Variants in MAP4K5 observed in about 807,000 individuals in gnomAD.
MAP4K5 encodes MAPK/ERK kinase kinase kinase 5.
Under a neutral mutation model 135.6 loss-of-function variants are expected in MAP4K5, and 82 were observed. The observed-to-expected ratio is 0.60, with a 90% CI of 0.51 to 0.73. The LOEUF (loss-of-function observed/expected upper bound fraction) is 0.73. MAP4K5 is among the 30% of genes least tolerant of loss of function. The probability of loss-of-function intolerance (pLI) is 0.00; values close to 1 mark genes in which losing one functional copy is unlikely to be tolerated. For missense variants in MAP4K5, 907 were observed against 1,010.9 expected (o/e 0.90, Z 1.39); for synonymous variants, 347 against 335.0 (o/e 1.04, Z -0.39).
At chr14:50,477,549 G>T (rs559219144) in intron 6 of MAP4K5, among the ~76,000 whole-genome samples, 4 of 152,084 alleles carry the variant, frequency 2.6e-5, no homozygotes, top group Admixed American at 2.6e-4. Context: ...ACCCTGTTTG[G>T]GTGAGCCTGG....
At chr14:50,517,116 C>T (rs1279675311) in intron 2 of MAP4K5, among the ~76,000 whole-genome samples, 1 of 150,766 alleles carries the variant, frequency 6.6e-6, no homozygotes, top group Non-Finnish European at 1.5e-5. Context: ...ACAAAGGCAA[C>T]ATTTCTTTTT....
At chr14:50,544,291 T>A (rs1057195385) in intron 1 of MAP4K5, among the ~76,000 whole-genome samples, 1 of 152,214 alleles carries the variant, frequency 6.6e-6, no homozygotes, top group African/African-American at 2.4e-5. Context: ...TTGGGCCCAA[T>A]AACTACCCTC....
chr14:50,454,271 C>T (rs1450327179), intron 14 of MAP4K5, among the ~76,000 whole-genome samples: 1 of 152,070 alleles, frequency 6.6e-6, no homozygotes, highest in Non-Finnish European at 1.5e-5. Context: ...AGAGGGCAGG[C>T]GAGTATAGAA....
At chr14:50,455,066 C>T (rs1172690641) in intron 14 of MAP4K5, among the ~76,000 whole-genome samples, 1 of 151,808 alleles carries the variant, frequency 6.6e-6, no homozygotes, top group Non-Finnish European at 1.5e-5. Flanking sequence ...AATATCTATG[C>T]CAATTCGGTA....
intron 14 of MAP4K5, among the ~76,000 whole-genome samples, chr14:50,454,898 A>ATG (rs2036567083): frequency 6.6e-6 from 1 of 151,986 alleles, no homozygotes; most frequent in Non-Finnish European, 1.5e-5. Flanking sequence ...CAAGGTACAT[A>ATG]TGTGTGTGTT....
chr14:50,516,006 G>A (rs376510508), intron 2 of MAP4K5, among the ~76,000 whole-genome samples: 15 of 152,146 alleles, frequency 9.9e-5, no homozygotes, highest in East Asian at 7.7e-4. Flanking sequence ...CAAATTTACC[G>A]TATCCACCAC....
chr14:50,535,007 C>G (rs1214672867), upstream of MAP4K5, among the ~76,000 whole-genome samples: 2 of 152,170 alleles, frequency 1.3e-5, no homozygotes, highest in African/African-American at 4.8e-5. Flanking sequence ...ACAAACCACC[C>G]AGTTTCATAT....
chr14:50,471,142 T>C (rs1051798813), intron 9 of MAP4K5, among the ~76,000 whole-genome samples: 2 of 152,124 alleles, frequency 1.3e-5, no homozygotes, highest in African/African-American at 2.4e-5. Context: ...AAGCCCAGCA[T>C]CCATTAGCTA....
rs1191300337 is a variant in MAP4K5 at position 50,553,441 on chromosome 14, T to A, written c.-180+7599A>T. Among the ~76,000 whole-genome samples the A allele has an allele frequency of 2.7e-5, 4 of 150,716 alleles. No individual in the cohort carries two copies. In the East Asian group the frequency reaches 7.7e-4, roughly 29 times the overall value. On this transcript the variant is annotated intron_variant, in intron 1 of 8. Coordinates refer to the MAP4K5 transcript ENST00000555216. ...TGCAGGAATGGCCATAATTTAAAAA[T>A]TAAAAAAAAATAGATGTTGGCATGG...
chr14:50,480,403 C>T (rs1411666332), intron 6 of MAP4K5, among the ~76,000 whole-genome samples: 4 of 143,392 alleles, frequency 2.8e-5, no homozygotes, highest in Non-Finnish European at 4.5e-5. Flanking sequence ...CTCATTCTTT[C>T]TTTTTTTTTT....
chr14:50,484,215 A>G (rs2037315409), intron 5 of MAP4K5, among the ~76,000 whole-genome samples: 1 of 152,260 alleles, frequency 6.6e-6, no homozygotes, highest in African/African-American at 2.4e-5. Flanking sequence ...GAAATAGCCT[A>G]AATCATAGTA....
chr14:50,541,562 T>C (rs1674028115), intron 2 of MAP4K5, among the ~76,000 whole-genome samples: 1 of 152,170 alleles, frequency 6.6e-6, no homozygotes, highest in East Asian at 1.9e-4. Flanking sequence ...CTTGTTCATA[T>C]CACTTGGAAC....
chr14:50,502,649 C>G (rs1672180164), intron 3 of MAP4K5, among the ~76,000 whole-genome samples: 1 of 151,696 alleles, frequency 6.6e-6, no homozygotes, highest in African/African-American at 2.4e-5. Context: ...ACAGGAAATA[C>G]CTGAAAAATA....
chr14:50,547,552 A>C (rs1414587959), intron 1 of MAP4K5, among the ~76,000 whole-genome samples: 2 of 152,218 alleles, frequency 1.3e-5, no homozygotes, highest in Admixed American at 1.3e-4. Flanking sequence ...ACTGCCTACC[A>C]GGGGAAGATT....
rs79121924 is a variant in MAP4K5, at chr14:50,497,490, C to T, written c.166+7310G>A. On this transcript the variant is annotated intron_variant, in intron 3 of 32. Transcript: ENST00000682126. ...TAGAAAGTCTGAAAAGAACATACCA[C>T]GTAACCTGAATAGATGACACTTGTC... Among the ~76,000 whole-genome samples the T allele has an allele frequency of 2.0e-4, 31 of 152,280 alleles. No homozygotes were observed. The East Asian group carries it at 4.2e-3, about 21-fold the overall frequency.
rs192433499 is a variant in MAP4K5 at position 50,440,704 on chromosome 14, A to G, written c.1565-263T>C. On this transcript the variant is annotated intron_variant, in intron 21 of 32. Transcript: ENST00000682126. ...CCCTGCCTTTCAACATAATTTTTGT[A>G]TTTTAAGATTTTTATAGTTACACAT... 2.7e-3 allele frequency among the ~76,000 whole-genome samples: 410 copies of G among 152,234 alleles called. 4 individuals carry two copies. The highest frequency in any genetic ancestry group is 0.02 in the South Asian group (95 of 4,826).
chr14:50,512,591 G>A (rs1290226312), intron 2 of MAP4K5, among the ~76,000 whole-genome samples: 1 of 152,114 alleles, frequency 6.6e-6, no homozygotes, highest in Non-Finnish European at 1.5e-5. Flanking sequence ...TTCTCCAAAT[G>A]AAGAACCGAT....
intron 5 of MAP4K5, chr14:50,482,989 C>T (rs2037283358): frequency 6.6e-6 from 1 of 152,490 alleles, no homozygotes. Context: ...AAATATTAAG[C>T]ACTCATGTGC....
chr14:50,438,404 G>A, intron 23 of MAP4K5: 1 of 166,426 alleles, frequency 6.0e-6, no homozygotes, highest in South Asian at 1.5e-4. Context: ...TATTTCTCTG[G>A]GACAGACCTA....
Sources: gnomAD v4.1 joint callset for allele counts (sites outside exome capture counted in the v4.1 genomes callset) on GRCh38, gnomAD v4.1.1 for gene constraint, MANE v1.5 for transcripts, NCBI Gene and HGNC (gene_info 2026-07-23, HGNC 2026-07-21) for gene names.